The following FBXL17 variants were observed in gnomAD, a reference collection of about 807,000 sequenced individuals.
The protein encoded by FBXL17 is F-box/LRR-repeat protein 17.
Under a neutral mutation model 66.2 loss-of-function variants are expected in FBXL17, and 22 were observed. The ratio of observed to expected loss-of-function variants is 0.33; its 90% CI spans 0.24 to 0.47. The LOEUF (loss-of-function observed/expected upper bound fraction) is 0.47, where lower values mean the gene tolerates loss of function less well. Ranked by LOEUF, FBXL17 falls within the 20% of genes least tolerant of loss-of-function variation. The probability of loss-of-function intolerance (pLI) is 1.00; values close to 1 mark genes in which losing one functional copy is unlikely to be tolerated. For missense variants in FBXL17, 878 were observed against 948.2 expected (o/e 0.93, Z 0.97); for synonymous variants, 474 against 400.5 (o/e 1.18, Z -2.19).
chr5:108,332,941 CAAAAAAA>C (rs34218940), intron 4 of FBXL17, among the ~76,000 whole-genome samples: 4 of 34,764 alleles, frequency 1.2e-4, no homozygotes, highest in Non-Finnish European at 1.9e-4. Flanking sequence ...AAAGCAAAAG[CAAAAAAA>C]AAAAAAAAAA....
At chr5:108,184,549 C>G (rs1054777058) in intron 6 of FBXL17, among the ~76,000 whole-genome samples, 1 of 151,600 alleles carries the variant, frequency 6.6e-6, no homozygotes, top group Non-Finnish European at 1.5e-5. Context: ...CCTCGTGATC[C>G]GCCCGCCTTG....
At chr5:108,217,232 C>A (rs1204893852) in intron 5 of FBXL17, among the ~76,000 whole-genome samples, 1 of 152,072 alleles carries the variant, frequency 6.6e-6, no homozygotes, top group Non-Finnish European at 1.5e-5. Flanking sequence ...AGAGAGCTTT[C>A]TTCTTTTGCT....
intron 7 of FBXL17, among the ~76,000 whole-genome samples, chr5:108,016,795 T>C (rs554916451): frequency 1.1e-4 from 16 of 151,758 alleles, no homozygotes; most frequent in Non-Finnish European, 2.2e-4. Flanking sequence ...TCTTTTTTTT[T>C]TGAGACAGAG....
At chr5:107,882,285 A>C (rs141148586) in intron 7 of FBXL17, among the ~76,000 whole-genome samples, 298 of 152,338 alleles carry the variant, frequency 2.0e-3, no homozygotes, top group Admixed American at 5.4e-3. Flanking sequence ...ACTCATGTTA[A>C]CAAATGTTTA....
intron 4 of FBXL17, among the ~76,000 whole-genome samples, chr5:108,255,782 TGAGGAAATTAGGG>T (rs989506624): frequency 2.0e-5 from 3 of 152,120 alleles, no homozygotes; most frequent in African/African-American, 7.2e-5. Context: ...AAACATTTGT[TGAGGAAATTAGGG>T]GAGGAAATTA....
At chr5:108,276,626 C>A (rs193266349) in intron 4 of FBXL17, among the ~76,000 whole-genome samples, 11 of 152,186 alleles carry the variant, frequency 7.2e-5, no homozygotes, top group African/African-American at 2.2e-4. Flanking sequence ...GAAAAAAAGA[C>A]GTCTAACAAA....
At chr5:108,112,493 A>C (rs773648159) in intron 6 of FBXL17, among the ~76,000 whole-genome samples, 2 of 152,228 alleles carry the variant, frequency 1.3e-5, no homozygotes, top group Non-Finnish European at 2.9e-5. Flanking sequence ...CAAGGCCCAG[A>C]AATATTTAAA....
chr5:108,056,677 G>A (rs1747721543), intron 6 of FBXL17, among the ~76,000 whole-genome samples: 1 of 152,140 alleles, frequency 6.6e-6, no homozygotes, highest in Non-Finnish European at 1.5e-5. Context: ...TATACTCTAT[G>A]ATGACCTCCT....
chr5:108,358,742 G>C (rs1748154053), intron 3 of FBXL17, among the ~76,000 whole-genome samples: 1 of 152,106 alleles, frequency 6.6e-6, no homozygotes, highest in Non-Finnish European at 1.5e-5. Flanking sequence ...TTTTGAAAGA[G>C]TTTGAGAAGG....
At chr5:107,978,774 G>A (rs1752687597) in intron 7 of FBXL17, among the ~76,000 whole-genome samples, 1 of 152,182 alleles carries the variant, frequency 6.6e-6, no homozygotes, top group African/African-American at 2.4e-5. Flanking sequence ...GAGACTGGCT[G>A]AATATTTGAG....
At chr5:107,861,963 G>T in intron 8 of FBXL17, 103 bp from the exon 9 acceptor site, 1 of 1,252,294 alleles carries the variant, frequency 8.0e-7, no homozygotes, top group Non-Finnish European at 1.0e-6. Context: ...GACACGAAGA[G>T]CCCTCGCCTT....
Position 108,218,016 on chromosome 5 carries a change from C to CT in FBXL17, c.1614+6104dup, listed in dbSNP as rs752575685. 8.6e-3 allele frequency among the ~76,000 whole-genome samples: 1,032 copies of CT among 120,090 alleles called. 17 individuals are homozygous for CT. The highest frequency in any genetic ancestry group is 0.012 in the Non-Finnish European group (707 of 59,244). 78.8% of individuals were successfully genotyped at this position (120,090 alleles called of 152,430 possible). A position where few individuals can be genotyped will look rare whatever the true frequency, so the allele number is the denominator to read the frequency against. On this transcript the variant is annotated intron_variant, in intron 5 of 8. Coordinates refer to ENST00000542267, the MANE Select transcript of FBXL17 (RefSeq NM_001163315.3). ...TATACCATATTTTCTAATTTTTTTT[C>CT]TTTTTTTTTTTTTTTTTTTGAGACA...
intron 6 of FBXL17, among the ~76,000 whole-genome samples, chr5:108,101,530 T>C (rs1749600477): frequency 6.6e-6 from 1 of 152,222 alleles, no homozygotes; most frequent in South Asian, 2.1e-4. Flanking sequence ...CAATGTCTAT[T>C]AATGTAACAG....
At chr5:107,899,999 T>C (rs940030577) in intron 7 of FBXL17, among the ~76,000 whole-genome samples, 1 of 152,190 alleles carries the variant, frequency 6.6e-6, no homozygotes, top group African/African-American at 2.4e-5. Flanking sequence ...TCTCAAGAAA[T>C]AGTTTCTATA....
intron 4 of FBXL17, among the ~76,000 whole-genome samples, chr5:108,337,726 A>G (rs1051215285): frequency 6.6e-6 from 1 of 151,842 alleles, no homozygotes; most frequent in Admixed American, 6.6e-5. Flanking sequence ...AAAAAAAGTA[A>G]TAAGACAGAG....
chr5:108,113,358 G>A (rs1750114700), intron 6 of FBXL17, among the ~76,000 whole-genome samples: 1 of 152,030 alleles, frequency 6.6e-6, no homozygotes, highest in Non-Finnish European at 1.5e-5. Context: ...AGAGATAGAT[G>A]CTATGCTAAG....
chr5:107,891,155 CA>C, intron 7 of FBXL17, among the ~76,000 whole-genome samples: 1 of 152,122 alleles, frequency 6.6e-6, no homozygotes, highest in East Asian at 1.9e-4. Context: ...GGGAGTAATC[CA>C]TAAAGATATC....
intron 4 of FBXL17, among the ~76,000 whole-genome samples, chr5:108,323,844 C>A (rs1032495830): frequency 1.3e-5 from 2 of 151,984 alleles, no homozygotes; most frequent in African/African-American, 4.8e-5. Context: ...GAAAGGGCAG[C>A]CTTTTCAACA....
At chr5:108,317,685 A>G (rs991663059) in intron 4 of FBXL17, among the ~76,000 whole-genome samples, 3 of 151,438 alleles carry the variant, frequency 2.0e-5, no homozygotes, top group Non-Finnish European at 4.4e-5. Flanking sequence ...ATTCATGAAA[A>G]AGTTATACCA....
Sources: gnomAD v4.1 joint callset for allele counts (sites outside exome capture counted in the v4.1 genomes callset) on GRCh38, gnomAD v4.1.1 for gene constraint, MANE v1.5 for transcripts, NCBI Gene and HGNC (gene_info 2026-07-23, HGNC 2026-07-21) for gene names.